The following PALMD variants were observed in gnomAD, a reference collection of about 807,000 sequenced individuals.
PALMD encodes the protein paralemmin-like protein.
A neutral mutation model predicts 56.2 loss-of-function variants in PALMD; 42 were observed. That is an observed-to-expected ratio of 0.75 (90% CI 0.58 to 0.97). The LOEUF is 0.97. PALMD is among the 50% of genes least tolerant of loss of function. The pLI is 0.00. For synonymous variants in PALMD, 242 were observed against 222.9 expected (o/e 1.09, Z -0.76); for missense variants, 660 against 643.8 (o/e 1.03, Z -0.27).
chr1:99,694,135 TTTTG>T lies in PALMD; in HGVS notation c.*77_*80del. On this transcript the variant is annotated 3_prime_UTR_variant, in exon 8 of 8. Coordinates refer to ENST00000263174, the MANE Select transcript of PALMD (RefSeq NM_017734.5). Reference sequence around the variant, plus strand: ...CATTTGCAAATTTCTCTTCTGGATATTTTGTTTATTTTTTCTGAAGTCCAAAAAA... The same window carrying T: ...CATTTGCAAATTTCTCTTCTGGATATTTTATTTTTTCTGAAGTCCAAAAAA... 9.5e-7 allele frequency: 1 copy of T among 1,057,974 alleles called. No homozygotes were observed. The highest frequency in any genetic ancestry group is 1.5e-5 in the South Asian group (1 of 68,102). The allele number at this position is 1,057,974 out of a possible 1,614,324, so 65.5% of individuals were successfully genotyped here. A position where few individuals can be genotyped will look rare whatever the true frequency, so the allele number is the denominator to read the frequency against.
Position 99,665,404 on chromosome 1 carries a change from T to C in PALMD, c.127-2238T>C, listed in dbSNP as rs149477296. 4.6e-3 allele frequency among the ~76,000 whole-genome samples: 702 copies of C among 152,292 alleles called. 5 individuals are homozygous for C. The highest frequency in any genetic ancestry group is 0.016 in the African/African-American group (661 of 41,568). On this transcript the variant is annotated intron_variant, in intron 2 of 7. Coordinates refer to ENST00000263174, the MANE Select transcript of PALMD (RefSeq NM_017734.5). ...AATAACTCTTTTGATTACTACAGTATATATGTGATTGCATCATATATCATT... is the reference window on the plus strand; with the variant it reads ...AATAACTCTTTTGATTACTACAGTACATATGTGATTGCATCATATATCATT...
intron 1 of PALMD, among the ~76,000 whole-genome samples, chr1:99,651,331 C>CT (rs1652582087): frequency 6.6e-6 from 1 of 152,194 alleles, no homozygotes; most frequent in Non-Finnish European, 1.5e-5. Context: ...TTTTTGATAA[C>CT]TGGGGAAGGT....
chr1:99,676,486 T>A (rs1653215885), intron 3 of PALMD, among the ~76,000 whole-genome samples: 1 of 152,178 alleles, frequency 6.6e-6, no homozygotes, highest in African/African-American at 2.4e-5. Context: ...AGTGCAATCA[T>A]CAGCCAATAT....
Position 99,672,508 on chromosome 1 carries a change from T to C in PALMD, c.251+4742T>C, listed in dbSNP as rs565923321. 2.0e-4 allele frequency among the ~76,000 whole-genome samples: 31 copies of C among 152,272 alleles called. No individual in the cohort carries two copies. In the South Asian group the frequency reaches 6.0e-3, roughly 30 times the overall value. On this transcript the variant is annotated intron_variant, in intron 3 of 7. Transcript: ENST00000263174. Reference sequence around the variant, plus strand: ...TCTTGTCCTAACACTTTCCTTGCTCTCCTCTATCCAATAGCCCACACCCAA... The same window carrying C: ...TCTTGTCCTAACACTTTCCTTGCTCCCCTCTATCCAATAGCCCACACCCAA...
chr1:99,694,104 A>G lies in PALMD; in HGVS notation c.*42A>G. The G allele has an allele frequency of 7.3e-7, 1 of 1,369,522 alleles. No homozygotes were observed. The highest frequency in any genetic ancestry group is 1.0e-6 in the Non-Finnish European group (1 of 981,102). 84.8% of individuals were successfully genotyped at this position (1,369,522 alleles called of 1,614,324 possible). ...ATAAACATCCTTTGAAGAAGAAACT[A>G]AGAAGCATTTGCAAATTTCTCTTCT... On this transcript the variant is annotated 3_prime_UTR_variant, in exon 8 of 8. Coordinates refer to ENST00000263174, the MANE Select transcript of PALMD (RefSeq NM_017734.5).
intron 3 of PALMD, among the ~76,000 whole-genome samples, chr1:99,679,016 G>C (rs960117221): frequency 6.6e-6 from 1 of 151,946 alleles, no homozygotes; most frequent in Non-Finnish European, 1.5e-5. Flanking sequence ...TGTTGGGGGT[G>C]GGGGTTTGGT....
At position 99,683,162 on chromosome 1, in the gene PALMD, GAAA is replaced by G. The variant is rs1557674142; in HGVS notation, c.252-3513_252-3511del. The G allele has an allele frequency of 2.3e-4, 31 of 132,840 alleles. 4 individuals are homozygous for G. The highest frequency in any genetic ancestry group is 1.6e-3 in the East Asian group (7 of 4,500). The allele number at this position is 132,840 out of a possible 1,614,324, so 8.2% of individuals were successfully genotyped here. ...AGAAAGAAAGAAAGAAAGAAAGAAA[GAAA>G]GAAACGAACACCCTATGAAGTTGTT... is the stretch of plus-strand genomic sequence containing the variant. On this transcript the variant is annotated intron_variant, in intron 3 of 7. Transcript: ENST00000263174.
rs760070084 is a variant in PALMD, at chr1:99,689,288, C to T, written c.1028C>T (p.Pro343Leu). The change falls in exon 7 of 8, where the codon CCG becomes CTG. Residue 343 changes from proline to leucine, a missense_variant. Physicochemically the swap from Pro to Leu is moderately conservative, Grantham distance 98. Coordinates refer to ENST00000263174, the MANE Select transcript of PALMD (RefSeq NM_017734.5). ...IQQAEEKLHT[P>L]QKRLMTPWEE... Reference sequence around the variant, plus strand: ...CAAGCAGAAGAGAAGCTTCACACCCCGCAAAAAAGGCTAATGACTCCTTGG... The same window carrying T: ...CAAGCAGAAGAGAAGCTTCACACCCTGCAAAAAAGGCTAATGACTCCTTGG... The T allele has an allele frequency of 1.4e-5, 23 of 1,613,416 alleles. No homozygotes were observed. Among genetic ancestry groups the T allele is most frequent in the Non-Finnish European group, 1.7e-5 (20 of 1,179,808 alleles).
intron 1 of PALMD, among the ~76,000 whole-genome samples, chr1:99,649,366 A>C (rs1652516069): frequency 6.6e-6 from 1 of 152,236 alleles, no homozygotes; most frequent in Non-Finnish European, 1.5e-5. Context: ...TTTCTACAAA[A>C]GGTGAGCTAA....
At position 99,694,390 on chromosome 1, in the gene PALMD, A is replaced by G. The variant is rs533131467; in HGVS notation, c.*328A>G. 1 of 178,152 alleles carries G rather than the reference A, an allele frequency of 5.6e-6. No individual in the cohort carries two copies. The highest frequency in any genetic ancestry group is 1.5e-4 in the East Asian group (1 of 6,642). 11.0% of individuals were successfully genotyped at this position (178,152 alleles called of 1,614,324 possible). A position where few individuals can be genotyped will look rare whatever the true frequency, so the allele number is the denominator to read the frequency against. On this transcript the variant is annotated 3_prime_UTR_variant, in exon 8 of 8. Transcript: ENST00000263174. Reference sequence around the variant, plus strand: ...ATTTAAAATATTCTGAGTATAGTATATTAACTGGCATTGTAATTTTGATGA... The same window carrying G: ...ATTTAAAATATTCTGAGTATAGTATGTTAACTGGCATTGTAATTTTGATGA...
At chr1:99,687,330 AC>A (rs1217827616) in intron 6 of PALMD, 141 bp downstream of exon 6, 6 of 845,500 alleles carry the variant, frequency 7.1e-6, no homozygotes, top group Non-Finnish European at 1.1e-5. Flanking sequence ...TATGTGAGTC[AC>A]CGCATAGGTG....
At chr1:99,678,193 TC>T (rs1031783099) in intron 3 of PALMD, among the ~76,000 whole-genome samples, 1 of 151,246 alleles carries the variant, frequency 6.6e-6, no homozygotes, top group African/African-American at 2.4e-5. Context: ...GACCTCTGCC[TC>T]CCAGATTCAA....
intron 2 of PALMD, among the ~76,000 whole-genome samples, chr1:99,665,171 CT>C (rs1183631927): frequency 2.6e-5 from 4 of 152,178 alleles, no homozygotes; most frequent in Admixed American, 2.0e-4. Flanking sequence ...CAATTTATTC[CT>C]ACTCTACTGT....
Position 99,673,397 on chromosome 1 carries a change from G to C in PALMD, c.251+5631G>C, listed in dbSNP as rs557363998. Among the ~76,000 whole-genome samples the C allele has an allele frequency of 1.6e-3, 239 of 151,832 alleles. 1 individual carries two copies. The highest frequency in any genetic ancestry group is 5.5e-3 in the African/African-American group (228 of 41,392). ...GCTACGTGAAAAATACTACATTCTA[G>C]ATGTTTCTGCCTTCCTACCCTAACC... On this transcript the variant is annotated intron_variant, in intron 3 of 7. Coordinates refer to ENST00000263174, the MANE Select transcript of PALMD (RefSeq NM_017734.5).
chr1:99,674,882 T>C (rs1653167410), intron 3 of PALMD, among the ~76,000 whole-genome samples: 2 of 152,202 alleles, frequency 1.3e-5, no homozygotes, highest in South Asian at 2.1e-4. Flanking sequence ...CAGCGACTCA[T>C]TGTAATAGAG....
At chr1:99,693,908 A>G in intron 7 of PALMD, 111 bp from the exon 8 acceptor site, 1 of 719,458 alleles carries the variant, frequency 1.4e-6, no homozygotes, top group East Asian at 2.7e-5. Flanking sequence ...ACACTGTTGG[A>G]TAAAACCATC....
At position 99,686,656 on chromosome 1, in the gene PALMD, G is replaced by T; in HGVS notation, c.252-20G>T. 7.8e-7 allele frequency: 1 copy of T among 1,290,054 alleles called. No homozygotes were observed. The highest frequency in any genetic ancestry group is 2.3e-5 in the East Asian group (1 of 43,248). The allele number at this position is 1,290,054 out of a possible 1,614,324, so 79.9% of individuals were successfully genotyped here. ...TTTGTACTGTGTTAAGCAATAAAAA[G>T]TATACCTTTTTGTTGTCAGGCTTGA... On this transcript the variant is annotated intron_variant, in intron 3 of 7. Transcript: ENST00000263174.
chr1:99,682,950 G>A (rs1653377363), intron 3 of PALMD, among the ~76,000 whole-genome samples: 1 of 150,924 alleles, frequency 6.6e-6, no homozygotes, highest in Non-Finnish European at 1.5e-5. Context: ...AGGTTACAGT[G>A]AGCCGAGATT....
chr1:99,665,398 A>G (rs942053192), intron 2 of PALMD, among the ~76,000 whole-genome samples: 3 of 152,184 alleles, frequency 2.0e-5, no homozygotes, highest in Non-Finnish European at 2.9e-5. Flanking sequence ...TTTGATTACT[A>G]CAGTATATAT....
Sources: gnomAD v4.1 joint callset for allele counts (sites outside exome capture counted in the v4.1 genomes callset) on GRCh38, gnomAD v4.1.1 for gene constraint, MANE v1.5 for transcripts, NCBI Gene and HGNC (gene_info 2026-07-23, HGNC 2026-07-21) for gene names.